DPP10: variants seen among roughly 807,000 people sequenced by gnomAD.
The protein encoded by DPP10 is dipeptidyl peptidase like 10.
DPP10 carries 33 observed loss-of-function variants against 120.9 expected under a neutral mutation model. The ratio of observed to expected loss-of-function variants is 0.27; its 90% CI spans 0.21 to 0.37. The LOEUF (loss-of-function observed/expected upper bound fraction) is 0.37. Among genes scored for constraint, DPP10 ranks in the 10% least tolerant of loss-of-function variants. The pLI, the probability that DPP10 is intolerant of heterozygous loss-of-function variation, is 1.00. For missense variants in DPP10, 816 were observed against 942.8 expected (o/e 0.87, Z 1.76); for synonymous variants, 337 against 326.1 (o/e 1.03, Z -0.36).
intron 1 of DPP10, among the ~76,000 whole-genome samples, chr2:114,944,818 T>C (rs1230344762): frequency 6.6e-6 from 1 of 152,202 alleles, no homozygotes; most frequent in East Asian, 1.9e-4. Context: ...ATTTTTTAAA[T>C]ATTCTTATCC....
At chr2:114,636,190 T>C (rs908118946) in intron 1 of DPP10, among the ~76,000 whole-genome samples, 2 of 152,032 alleles carry the variant, frequency 1.3e-5, no homozygotes, top group African/African-American at 2.4e-5. Context: ...TGCACAAATA[T>C]TTTTCCTTGA....
intron 2 of DPP10, among the ~76,000 whole-genome samples, chr2:115,318,352 C>T (rs902954203): frequency 1.3e-5 from 2 of 152,072 alleles, no homozygotes; most frequent in Non-Finnish European, 2.9e-5. Context: ...TGTTTGAAAT[C>T]TGGAAGTGTG....
At chr2:114,940,996 C>G (rs1267416378) in intron 1 of DPP10, among the ~76,000 whole-genome samples, 2 of 152,186 alleles carry the variant, frequency 1.3e-5, no homozygotes, top group Non-Finnish European at 1.5e-5. Flanking sequence ...GCTTAACAAT[C>G]TAGCTGTAAT....
intron 21 of DPP10, among the ~76,000 whole-genome samples, chr2:115,823,700 G>T (rs948169749): frequency 1.3e-5 from 2 of 152,148 alleles, no homozygotes; most frequent in African/African-American, 2.4e-5. Flanking sequence ...TATTTGTTTG[G>T]TTGGTTGGTT....
intron 1 of DPP10, among the ~76,000 whole-genome samples, chr2:115,050,908 A>T (rs1705428323): frequency 6.6e-6 from 1 of 152,226 alleles, no homozygotes. Context: ...CACAGAAAAG[A>T]GATGTTATTG....
chr2:114,499,210 G>T (rs1427754179), intron 1 of DPP10, among the ~76,000 whole-genome samples: 1 of 152,154 alleles, frequency 6.6e-6, no homozygotes, highest in Non-Finnish European at 1.5e-5. Context: ...CACCTTGGGG[G>T]TTTTCAATGA....
chr2:115,744,384 T>A (rs567777911), intron 9 of DPP10, among the ~76,000 whole-genome samples: 1 of 150,260 alleles, frequency 6.7e-6, no homozygotes, highest in African/African-American at 2.4e-5. Flanking sequence ...AAAACAAGAA[T>A]GATGTGAAAG....
At chr2:114,480,265 A>C (rs919473777) in intron 1 of DPP10, among the ~76,000 whole-genome samples, 2 of 151,630 alleles carry the variant, frequency 1.3e-5, no homozygotes, top group Admixed American at 1.3e-4. Context: ...GTGGGACTGT[A>C]AACTAGTTCA....
At chr2:115,593,362 G>C (rs1375863372) in intron 5 of DPP10, among the ~76,000 whole-genome samples, 2 of 152,170 alleles carry the variant, frequency 1.3e-5, no homozygotes, top group Non-Finnish European at 2.9e-5. Context: ...CAACCTGACA[G>C]ATTCTTCTGG....
intron 7 of DPP10, among the ~76,000 whole-genome samples, chr2:115,724,984 C>G (rs1464392569): frequency 6.6e-6 from 1 of 152,112 alleles, no homozygotes; most frequent in Non-Finnish European, 1.5e-5. Flanking sequence ...GGGATGCATG[C>G]CCATGACCTA....
chr2:114,565,252 C>T (rs1040548655), intron 1 of DPP10, among the ~76,000 whole-genome samples: 2 of 152,174 alleles, frequency 1.3e-5, no homozygotes, highest in Admixed American at 1.3e-4. Context: ...ACAACAGCTG[C>T]TGGGCTTCTC....
chr2:114,780,586 T>G (rs1682234145), intron 1 of DPP10, among the ~76,000 whole-genome samples: 1 of 152,156 alleles, frequency 6.6e-6, no homozygotes, highest in Admixed American at 6.5e-5. Flanking sequence ...TAGCTATTAT[T>G]ACAATAACAC....
chr2:115,341,348 C>T (rs1047711112), intron 2 of DPP10, among the ~76,000 whole-genome samples: 4 of 152,036 alleles, frequency 2.6e-5, no homozygotes, highest in African/African-American at 7.3e-5. Context: ...CCCATATTCT[C>T]TTCCCCCTGA....
chr2:114,801,142 A>G (rs1684167867), intron 1 of DPP10, among the ~76,000 whole-genome samples: 1 of 151,874 alleles, frequency 6.6e-6, no homozygotes, highest in African/African-American at 2.4e-5. Context: ...GGGCGCCTGT[A>G]GTCCCAGCTA....
chr2:115,455,308 G>T (rs981627467), intron 3 of DPP10, among the ~76,000 whole-genome samples: 7 of 151,672 alleles, frequency 4.6e-5, no homozygotes, highest in African/African-American at 1.5e-4. Flanking sequence ...AAATTGATGA[G>T]CTGGTTTAGA....
chr2:115,395,874 C>G (rs562543653), intron 3 of DPP10, among the ~76,000 whole-genome samples: 2 of 152,020 alleles, frequency 1.3e-5, no homozygotes, highest in African/African-American at 2.4e-5. Flanking sequence ...ATATGTGTTG[C>G]TGTACATACT....
chr2:115,213,006 A>G (rs1387100505), intron 1 of DPP10, among the ~76,000 whole-genome samples: 4 of 152,162 alleles, frequency 2.6e-5, no homozygotes, highest in Admixed American at 2.6e-4. Flanking sequence ...GGCCCTGCCC[A>G]TTAATATTGA....
intron 19 of DPP10, chr2:115,814,553 C>T: frequency 3.2e-6 from 1 of 310,200 alleles, no homozygotes; most frequent in Non-Finnish European, 5.9e-6. Flanking sequence ...ATTTCTACTG[C>T]AATGTTAACT....
At chr2:114,724,136 TTTAAA>T (rs1402405114) in intron 1 of DPP10, among the ~76,000 whole-genome samples, 1 of 152,192 alleles carries the variant, frequency 6.6e-6, no homozygotes, top group African/African-American at 2.4e-5. Context: ...TGTGAGCCCC[TTTAAA>T]TTATCAGGCC....
Sources: allele counts gnomAD v4.1 joint callset (sites outside exome capture counted in the v4.1 genomes callset), GRCh38; gene constraint gnomAD v4.1.1; transcripts MANE v1.5; gene names NCBI Gene and HGNC (gene_info 2026-07-23, HGNC 2026-07-21).